Variants in ABCC10 observed in about 807,000 individuals in gnomAD.
The protein encoded by ABCC10 is ATP binding cassette subfamily C member 10.
Under a neutral mutation model 143.2 loss-of-function variants are expected in ABCC10, and 110 were observed. The observed-to-expected ratio is 0.77, with a 90% CI of 0.66 to 0.90. The LOEUF is 0.90. Ranked by LOEUF, ABCC10 falls within the 40% of genes least tolerant of loss-of-function variation. ABCC10 has a pLI of 0.00. For synonymous variants in ABCC10, 805 were observed against 846.7 expected (o/e 0.95, Z 0.85); for missense variants, 1,700 against 1,900.5 (o/e 0.89, Z 1.96).
Position 43,449,990 on chromosome 6 carries a change from C to T in ABCC10, c.4378C>T (p.Leu1460=). The change falls in exon 22 of 22, where the codon CTG becomes TTG. Residue 1460 remains leucine, a synonymous_variant. Transcript: ENST00000372530. The stretch of plus-strand genomic sequence containing the variant: ...GCTACAAGCGGGGAGAGTGGTAGAG[C>T]TGGACTCCCCGGCCACCCTGCGCAA... The part of the protein sequence containing the change: ...LVLQAGRVVE[L]DSPATLRNQP... 1 of 1,613,846 alleles carries T rather than the reference C, an allele frequency of 6.2e-7. No individual in the cohort carries two copies. The highest frequency in any genetic ancestry group is 8.5e-7 in the Non-Finnish European group (1 of 1,179,982).
chr6:43,438,256 C>A, intron 7 of ABCC10: 1 of 1,075,098 alleles, frequency 9.3e-7, no homozygotes, highest in Non-Finnish European at 1.3e-6. Flanking sequence ...CATCCAGTGT[C>A]AGCTATTCTT....
downstream of ABCC10, chr6:43,450,797 T>C: frequency 6.2e-7 from 1 of 1,614,170 alleles, no homozygotes; most frequent in Non-Finnish European, 8.5e-7. This position sits in a 1 kb window ranked among gnomAD's most constrained non-coding sequence, Gnocchi z 4.5. Flanking sequence ...GCCCAGCCTC[T>C]TGCCTCCGCA....
At chr6:43,431,873 C>A (rs1781174735) in intron 2 of ABCC10, 4 of 1,286,718 alleles carry the variant, frequency 3.1e-6, no homozygotes, top group South Asian at 2.7e-5. Context: ...TAAAAAAAAA[C>A]ATGAATCAGA....
intron 1 of ABCC10, 87 bp from the exon 2 acceptor site, chr6:43,427,881 G>A: frequency 6.8e-7 from 1 of 1,478,944 alleles, no homozygotes; most frequent in South Asian, 1.1e-5. Flanking sequence ...TTCCAGGGCG[G>A]GGCTGGAGAC....
In ABCC10 at chr6:43,445,893, G is replaced by T. The variant is rs78493482; in HGVS notation, c.3325G>T (p.Asp1109Tyr). The T allele has an allele frequency of 1.9e-6, 3 of 1,613,696 alleles. No homozygotes were observed. The highest frequency in any genetic ancestry group is 2.5e-6 in the Non-Finnish European group (3 of 1,179,838). The part of the protein sequence containing the change: ...TLSPLYSHLA[D>Y]TLAGLSVLRA... ...GTCTCCACTGTATAGCCATCTGGCC[G>T]ATACCTTGGCTGGCCTCTCTGTGCT... is the stretch of plus-strand genomic sequence containing the variant. The change falls in exon 15 of 22, where the codon GAT (aspartate) becomes TAT (tyrosine). Residue 1109 changes from aspartate (D) to tyrosine (Y), a missense_variant. Physicochemically the swap from Asp to Tyr is radical, Grantham distance 160 (BLOSUM62 -3). Transcript: ENST00000372530.
downstream of ABCC10, among the ~76,000 whole-genome samples, chr6:43,451,461 TAATC>T (rs1257569974): frequency 6.6e-6 from 1 of 152,176 alleles, no homozygotes; most frequent in African/African-American, 2.4e-5. This position sits in a 1 kb window ranked among gnomAD's most constrained non-coding sequence, Gnocchi z 4.4. Flanking sequence ...TTGAGTGAAA[TAATC>T]AATGTCAAGC....
Position 43,446,512 on chromosome 6 carries a change from C to A in ABCC10, c.3544+66C>A, listed in dbSNP as rs1247739481. On this transcript the variant is annotated intron_variant, in intron 16 of 21. Coordinates refer to ENST00000372530, the MANE Select transcript of ABCC10 (RefSeq NM_001198934.2). ...TAGTCCACCGCTCTCCCAGATCTCTCCCTGCACCATCCCCCCAACATTTTC... is the reference window on the plus strand; with the variant it reads ...TAGTCCACCGCTCTCCCAGATCTCTACCTGCACCATCCCCCCAACATTTTC... 10 of 1,525,014 alleles carry A rather than the reference C, an allele frequency of 6.6e-6. No individual in the cohort carries two copies. In the Admixed American group the frequency reaches 1.8e-4, roughly 27 times the overall value. 94.5% of individuals were successfully genotyped at this position (1,525,014 alleles called of 1,614,324 possible).
chr6:43,444,804 T>A lies in ABCC10; in HGVS notation c.2706T>A (p.Ala902=). 6.2e-7 allele frequency: 1 copy of A among 1,606,754 alleles called. No homozygotes were observed. The highest frequency in any genetic ancestry group is 8.5e-7 in the Non-Finnish European group (1 of 1,176,620). ...LLLMQATRNA[A]DWWLSHWISQ... ...CCCACCCAGCCACGCGGAACGCTGC[T>A]GACTGGTGGCTCTCCCACTGGATCT... The change falls in exon 13 of 22, where the codon GCT becomes GCA. Residue 902 remains alanine (A), a synonymous_variant. Coordinates refer to ENST00000372530, the MANE Select transcript of ABCC10 (RefSeq NM_001198934.2).
rs554652068 is a variant in ABCC10 at position 43,441,545 on chromosome 6, TAC to T, written c.2128-316_2128-315del. ...GAATCTGAACTTGTGTCCTGCCCCT[TAC>T]TAGCTGTGGGCCAGCTAGTTAATCT... On this transcript the variant is annotated intron_variant, in intron 8 of 21. Transcript: ENST00000372530. 3.1e-4 allele frequency among the ~76,000 whole-genome samples: 47 copies of T among 152,328 alleles called. 1 individual carries two copies. Among genetic ancestry groups the T allele is most frequent in the African/African-American group, 1.0e-3 (43 of 41,590 alleles).
In ABCC10 at chr6:43,428,032, G is replaced by T; in HGVS notation, c.54G>T (p.Pro18=). Residue 18 remains proline (P), a synonymous_variant, in exon 2 of 22, where the codon CCG becomes CCT. Coordinates refer to ENST00000372530, the MANE Select transcript of ABCC10 (RefSeq NM_001198934.2). ...LCGSSAAWPL[P]LWEGDTTGHC... is the part of the protein sequence containing the mutation. ...GCAGCAGCGCAGCGTGGCCGCTCCCGCTGTGGGAGGGGGACACCACAGGCC... is the reference window on the plus strand; with the variant it reads ...GCAGCAGCGCAGCGTGGCCGCTCCCTCTGTGGGAGGGGGACACCACAGGCC... 1 of 1,606,074 alleles carries T rather than the reference G, an allele frequency of 6.2e-7. No individual in the cohort carries two copies. Among genetic ancestry groups the T allele is most frequent in the Non-Finnish European group, 8.5e-7 (1 of 1,177,158 alleles).
rs762555243 is a variant in ABCC10 at position 43,449,178 on chromosome 6, G to T, written c.4177G>T (p.Ala1393Ser). Residue 1393 changes from alanine (A) to serine (S), a missense_variant, in exon 20 of 22, where the codon GCC becomes TCC. Physicochemically the swap from Ala to Ser is moderately conservative, Grantham distance 99. Transcript: ENST00000372530. ...SLGQRQLLCL[A>S]RALLTDAKIL... is the part of the protein sequence containing the mutation. Reference sequence around the variant, plus strand: ...TGGGCAGAGGCAGCTGTTGTGTTTGGCCAGGGCTCTCCTCACAGATGCCAA... The same window carrying T: ...TGGGCAGAGGCAGCTGTTGTGTTTGTCCAGGGCTCTCCTCACAGATGCCAA... 4.3e-6 allele frequency: 7 copies of T among 1,614,138 alleles called. No individual in the cohort carries two copies. Among genetic ancestry groups the T allele is most frequent in the Non-Finnish European group, 5.9e-6 (7 of 1,179,990 alleles).
rs1280027122 is a variant in ABCC10, at chr6:43,439,744, C to T, written c.2127+949C>T. Among the ~76,000 whole-genome samples, 3 of 151,502 alleles carry T rather than the reference C, an allele frequency of 2.0e-5. 1 individual carries two copies. Among genetic ancestry groups the T allele is most frequent in the Non-Finnish European group, 1.5e-5 (1 of 67,886 alleles). ...GACTACAGCTGCGTGCCACCATGCC[C>T]AGCTAATTTTTGTATTTCTAGTAGA... On this transcript the variant is annotated intron_variant, in intron 8 of 21. Transcript: ENST00000372530.
At chr6:43,436,337 G>A (rs915619956) in intron 6 of ABCC10, 90 bp downstream of exon 6, 70 of 1,461,678 alleles carry the variant, frequency 4.8e-5, no homozygotes, top group Non-Finnish European at 6.0e-5. Context: ...GCCAATCATA[G>A]CTGATGGCTC....
At position 43,432,133 on chromosome 6, in the gene ABCC10, T is replaced by C. The variant is rs761597909; in HGVS notation, c.162-9T>C. The C allele has an allele frequency of 1.9e-6, 3 of 1,613,314 alleles. No homozygotes were observed. The Admixed American group carries it at 5.0e-5, about 27-fold the overall frequency. Reference sequence around the variant, plus strand: ...CGATGTGCCTCCTTGTCTTCCCCCTTGTCCCCAGGAGTCCAGATTACATCC... The same window carrying C: ...CGATGTGCCTCCTTGTCTTCCCCCTCGTCCCCAGGAGTCCAGATTACATCC... On this transcript the variant is annotated splice_polypyrimidine_tract_variant and intron_variant, in intron 2 of 21. Transcript: ENST00000372530.
Position 43,432,794 on chromosome 6 carries a change from C to CGGCT in ABCC10, c.816_819dup (p.Trp274AlafsTer75). ...CCAGGCACACTGGCAGGAGGGGGCA[C>CGGCT]GGCTGTGGAGGGCCTTGTATGGGGC... is the stretch of plus-strand genomic sequence containing the variant. On this transcript the variant is annotated frameshift_variant, in exon 3 of 22. Transcript: ENST00000372530. LOFTEE classifies it high-confidence loss of function. The CGGCT allele has an allele frequency of 5.0e-6, 8 of 1,614,166 alleles. No homozygotes were observed. The highest frequency in any genetic ancestry group is 6.8e-6 in the Non-Finnish European group (8 of 1,180,028).
intron 7 of ABCC10, chr6:43,438,293 G>A: frequency 7.6e-7 from 1 of 1,320,696 alleles, no homozygotes; most frequent in South Asian, 1.6e-5. Context: ...GCAGAGAAGG[G>A]ATCCAGAGAG....
chr6:43,438,735 A>G lies in ABCC10; in HGVS notation c.2067A>G (p.Thr689=), dbSNP rs1554204081. ...TIRDNILFGK[T]FDAQLYKEVL... ...GAGACAACATCCTCTTTGGGAAGAC[A>G]TTTGATGCACAGCTGTACAAGGAGG... The change falls in exon 8 of 22, where the codon ACA becomes ACG. Residue 689 remains threonine, a synonymous_variant. Transcript: ENST00000372530. 8 of 1,614,228 alleles carry G rather than the reference A, an allele frequency of 5.0e-6. No homozygotes were observed. The Admixed American group carries it at 8.3e-5, about 17-fold the overall frequency.
intron 8 of ABCC10, among the ~76,000 whole-genome samples, chr6:43,440,129 G>A (rs1232461945): frequency 1.3e-5 from 2 of 151,640 alleles, no homozygotes; most frequent in Non-Finnish European, 2.9e-5. Context: ...CCTAATTTTT[G>A]TATTTTTAGT....
downstream of ABCC10, chr6:43,450,807 A>G (rs1215781275): frequency 6.2e-7 from 1 of 1,614,138 alleles, no homozygotes; most frequent in Admixed American, 1.7e-5. The surrounding 1 kb of genome is among the most constrained non-coding windows in gnomAD (Gnocchi z 4.5). Context: ...TTGCCTCCGC[A>G]CCACCTCCTT....
Sources: allele counts gnomAD v4.1 joint callset (sites outside exome capture counted in the v4.1 genomes callset), GRCh38; gene constraint gnomAD v4.1.1; non-coding constraint Gnocchi (gnomAD v3.1); transcripts MANE v1.5; gene names NCBI Gene and HGNC (gene_info 2026-07-23, HGNC 2026-07-21).